TNRC6C: variants seen among roughly 807,000 people sequenced by gnomAD.
TNRC6C encodes trinucleotide repeat containing adaptor 6C.
In TNRC6C, 20 loss-of-function variants were observed where a neutral mutation model predicts 153.7. The ratio of observed to expected loss-of-function variants is 0.13; its 90% CI spans 0.09 to 0.19. The LOEUF (loss-of-function observed/expected upper bound fraction) is 0.19. Among genes scored for constraint, TNRC6C ranks in the 10% least tolerant of loss-of-function variants. TNRC6C has a pLI of 1.00. For missense variants in TNRC6C, 1,987 were observed against 2,172.0 expected, an observed-to-expected ratio of 0.91 and a Z score of 1.69; for synonymous variants, 811 against 841.4, an observed-to-expected ratio of 0.96 and a Z score of 0.63.
chr17:78,108,111 A>G (rs759883504), exon 20 of TNRC6C: 6 of 152,138 alleles, frequency 3.9e-5, no homozygotes, highest in Non-Finnish European at 8.8e-5. Flanking sequence ...CTGAAGACAA[A>G]CCGAGCACCC....
exon 13 of TNRC6C, chr17:78,086,950 C>T: frequency 1.2e-6 from 2 of 1,613,302 alleles, no homozygotes; most frequent in South Asian, 2.2e-5. Flanking sequence ...CCGCCACCGC[C>T]CCCGCCGCAC....
chr17:77,981,142 A>AT (rs1036382193), intron 1 of TNRC6C, among the ~76,000 whole-genome samples: 9 of 152,068 alleles, frequency 5.9e-5, no homozygotes, highest in African/African-American at 2.2e-4. Context: ...TGCTAGGCTA[A>AT]TTTTTTAAAA....
chr17:78,001,486 A>G (rs1159494705), upstream of TNRC6C, among the ~76,000 whole-genome samples: 1 of 152,184 alleles, frequency 6.6e-6, no homozygotes, highest in African/African-American at 2.4e-5. Flanking sequence ...GTATGAATAG[A>G]AGAATGACTG....
intron 1 of TNRC6C, among the ~76,000 whole-genome samples, chr17:78,029,721 AAT>A (rs920085797): frequency 3.4e-4 from 52 of 152,280 alleles, no homozygotes; most frequent in African/African-American, 1.2e-3. Context: ...CTGTACAAAA[AAT>A]ATTTTTCTTT....
Position 77,962,270 on chromosome 17 carries a change from T to G in TNRC6C, c.-38+3002T>G, listed in dbSNP as rs905283859. ...TTGAAAAACCATTTAAAAGACTATT[T>G]GGGGGTCTTTTTGGCCTTCCCCAAT... is the stretch of plus-strand genomic sequence containing the variant. On this transcript the variant is annotated intron_variant, in intron 1 of 22. Coordinates refer to the TNRC6C transcript ENST00000636222. Among the ~76,000 whole-genome samples, 35 of 152,200 alleles carry G rather than the reference T, an allele frequency of 2.3e-4. 2 individuals carry two copies. The highest frequency in any genetic ancestry group is 2.0e-3 in the Admixed American group (31 of 15,292).
chr17:77,999,482 G>A (rs372419274), upstream of TNRC6C, among the ~76,000 whole-genome samples: 2 of 148,860 alleles, frequency 1.3e-5, no homozygotes, highest in South Asian at 2.1e-4. Context: ...GTCCAGTTTC[G>A]TTGTTGTTGT....
At chr17:78,068,040 G>A in intron 5 of TNRC6C, 117 bp downstream of exon 7, 1 of 1,255,594 alleles carries the variant, frequency 8.0e-7, no homozygotes, top group South Asian at 1.7e-5. Context: ...GTAGTCTTAG[G>A]ACCCTTGGAG....
At chr17:78,023,723 C>T (rs2071879943) in intron 1 of TNRC6C, among the ~76,000 whole-genome samples, 1 of 151,342 alleles carries the variant, frequency 6.6e-6, no homozygotes, top group Non-Finnish European at 1.5e-5. Flanking sequence ...GGAGGATCAC[C>T]TGAGCCCGGA....
At chr17:78,100,995 C>G (rs1212406387) in intron 17 of TNRC6C, among the ~76,000 whole-genome samples, 1 of 152,024 alleles carries the variant, frequency 6.6e-6, no homozygotes, top group Non-Finnish European at 1.5e-5. Flanking sequence ...AGGCTGGTCT[C>G]AAACTCCTGA....
chr17:78,067,975 A>G lies in TNRC6C; in HGVS notation c.2778+52A>G, dbSNP rs1598752615. On this transcript the variant is annotated intron_variant, in intron 5 of 19. Transcript: ENST00000301624. ...ACACCCTGAAAACCAAAGGTACTTC[A>G]GACACATTCAGTATCCAGTTAATCA... The G allele has an allele frequency of 1.0e-5, 16 of 1,541,400 alleles. No homozygotes were observed. The East Asian group carries it at 1.6e-4, about 15-fold the overall frequency.
chr17:77,989,242 A>C (rs190903061), intron 1 of TNRC6C, among the ~76,000 whole-genome samples: 1 of 152,344 alleles, frequency 6.6e-6, no homozygotes, highest in East Asian at 1.9e-4. Flanking sequence ...CAGAGATCCT[A>C]GGTATTCTGT....
At chr17:78,050,320 C>G in exon 3 of TNRC6C, 1 of 1,583,346 alleles carries the variant, frequency 6.3e-7, no homozygotes, top group Non-Finnish European at 8.6e-7. Flanking sequence ...GGGAGAAGGC[C>G]GAAGGCGAGA....
chr17:78,073,189 T>C (rs1364051685), intron 7 of TNRC6C, 95 bp downstream of exon 9: 2 of 1,101,012 alleles, frequency 1.8e-6, no homozygotes, highest in Non-Finnish European at 2.6e-6. Context: ...ATGGTTAATA[T>C]GTCCTGGGTA....
chr17:78,090,467 G>A (rs140297760), intron 13 of TNRC6C, among the ~76,000 whole-genome samples: 1 of 152,198 alleles, frequency 6.6e-6, no homozygotes, highest in African/African-American at 2.4e-5. Context: ...TAGTACTTAC[G>A]GTAAGGACCT....
exon 2 of TNRC6C, chr17:78,031,692 G>A: frequency 8.1e-7 from 1 of 1,232,336 alleles, no homozygotes; most frequent in Non-Finnish European, 1.0e-6. Context: ...CCGCCAGCAA[G>A]AACAGAAGCA....
At chr17:78,093,798 G>C (rs373112227) in intron 16 of TNRC6C, 35 bp downstream of exon 18, 1 of 1,611,762 alleles carries the variant, frequency 6.2e-7, no homozygotes, top group Non-Finnish European at 8.5e-7. Flanking sequence ...CTGCATGGAC[G>C]GTCTCTCTAG....
At chr17:78,093,236 G>A (rs935568265) in intron 15 of TNRC6C, 112 bp downstream of exon 17, 65 of 1,191,282 alleles carry the variant, frequency 5.5e-5, no homozygotes, top group Non-Finnish European at 6.0e-5. Flanking sequence ...ATCTGGAAGC[G>A]TTAAGCCCAG....
chr17:78,093,337 A>G (rs901231467), intron 15 of TNRC6C: 5 of 677,812 alleles, frequency 7.4e-6, no homozygotes, highest in African/African-American at 7.2e-5. Flanking sequence ...TTAGTTCAGC[A>G]TGAGGAGTGG....
At chr17:78,095,467 A>G (rs2073468511) in intron 16 of TNRC6C, among the ~76,000 whole-genome samples, 1 of 152,220 alleles carries the variant, frequency 6.6e-6, no homozygotes, top group Non-Finnish European at 1.5e-5. Context: ...CAACCTGCCA[A>G]CCGGGGTGAC....
Sources: gnomAD v4.1 joint callset for allele counts (sites outside exome capture counted in the v4.1 genomes callset) on GRCh38, gnomAD v4.1.1 for gene constraint, MANE v1.5 for transcripts, NCBI Gene and HGNC (gene_info 2026-07-23, HGNC 2026-07-21) for gene names.